Variants in VPS13B observed in about 807,000 individuals in gnomAD.
The protein encoded by VPS13B is intermembrane lipid transfer protein VPS13B.
A neutral mutation model predicts 426.4 loss-of-function variants in VPS13B; 285 were observed. The observed-to-expected ratio is 0.67, with a 90% CI of 0.61 to 0.74. VPS13B has a LOEUF of 0.74. Ranked by LOEUF, VPS13B falls within the 30% of genes least tolerant of loss-of-function variation. VPS13B has a pLI of 0.00. For missense variants in VPS13B, 4,537 were observed against 4,782.6 expected (o/e 0.95, Z 1.51); for synonymous variants, 1,676 against 1,676.4 (o/e 1.00, Z 0.01).
chr8:99,340,838 T>C, intron 19 of VPS13B: 1 of 320,612 alleles, frequency 3.1e-6, no homozygotes, highest in Non-Finnish European at 6.4e-6. Flanking sequence ...CCTGCAATGC[T>C]TCCGGCTTGG....
intron 33 of VPS13B, among the ~76,000 whole-genome samples, chr8:99,640,049 G>GA (rs1299280170): frequency 0.094 from 9,328 of 98,886 alleles, 621 homozygotes; most frequent in African/African-American, 0.13. Context: ...AGAAGAAGAA[G>GA]AGAAAAGAAA....
intron 19 of VPS13B, among the ~76,000 whole-genome samples, chr8:99,322,337 T>C (rs1810024340): frequency 6.6e-6 from 1 of 152,202 alleles, no homozygotes; most frequent in South Asian, 2.1e-4. Flanking sequence ...CTTTACTAGA[T>C]CACTAATATT....
chr8:99,117,648 G>A (rs1225296068), intron 7 of VPS13B, among the ~76,000 whole-genome samples: 1 of 152,104 alleles, frequency 6.6e-6, no homozygotes, highest in Non-Finnish European at 1.5e-5. Context: ...GCTACAGCAT[G>A]GATGAACCTT....
intron 14 of VPS13B, among the ~76,000 whole-genome samples, chr8:99,149,340 C>T (rs181229313): frequency 6.6e-6 from 1 of 152,172 alleles, no homozygotes; most frequent in Non-Finnish European, 1.5e-5. Flanking sequence ...CTTTTTGAGA[C>T]AGAGTCTCGC....
chr8:99,169,029 T>C (rs1219844566), intron 15 of VPS13B, among the ~76,000 whole-genome samples: 1 of 151,904 alleles, frequency 6.6e-6, no homozygotes, highest in African/African-American at 2.4e-5. Context: ...AATTGATAAT[T>C]ATTTTATGCT....
At chr8:99,300,387 A>G (rs1011043054) in intron 19 of VPS13B, among the ~76,000 whole-genome samples, 2 of 152,240 alleles carry the variant, frequency 1.3e-5, no homozygotes, top group African/African-American at 4.8e-5. Flanking sequence ...AAAAGAATAT[A>G]TATTTCTCAA....
At chr8:99,745,260 G>GTCC (rs1352826225) in intron 39 of VPS13B, among the ~76,000 whole-genome samples, 11 of 151,816 alleles carry the variant, frequency 7.2e-5, no homozygotes, top group African/African-American at 2.4e-5. Context: ...TTCTATATGT[G>GTCC]TCCTATTTTA....
chr8:99,336,666 G>GA (rs1390489514), intron 19 of VPS13B, among the ~76,000 whole-genome samples: 24 of 152,156 alleles, frequency 1.6e-4, no homozygotes, highest in African/African-American at 5.3e-4. Flanking sequence ...AAATTTACAA[G>GA]AAAAAATCAA....
At chr8:99,352,596 G>A (rs2067352067) in intron 19 of VPS13B, among the ~76,000 whole-genome samples, 1 of 152,108 alleles carries the variant, frequency 6.6e-6, no homozygotes, top group Non-Finnish European at 1.5e-5. Flanking sequence ...CACTGAGGTG[G>A]GCAGATCGCT....
intron 19 of VPS13B, among the ~76,000 whole-genome samples, chr8:99,325,019 A>G (rs1810168219): frequency 6.6e-6 from 1 of 152,190 alleles, no homozygotes; most frequent in Non-Finnish European, 1.5e-5. Flanking sequence ...CTGAACAGGT[A>G]GGCTAGCATT....
At chr8:99,030,962 T>C (rs1842483305) in intron 2 of VPS13B, among the ~76,000 whole-genome samples, 1 of 152,210 alleles carries the variant, frequency 6.6e-6, no homozygotes, top group Non-Finnish European at 1.5e-5. Context: ...GTGGTTTGAC[T>C]CTTTACAATA....
chr8:99,396,810 T>G (rs1223774257), intron 21 of VPS13B, among the ~76,000 whole-genome samples: 1 of 152,190 alleles, frequency 6.6e-6, no homozygotes, highest in East Asian at 1.9e-4. Context: ...TGATGCACAG[T>G]TAAGTTCCTG....
intron 33 of VPS13B, among the ~76,000 whole-genome samples, chr8:99,635,183 T>G (rs1405485637): frequency 6.6e-6 from 1 of 151,988 alleles, no homozygotes; most frequent in Non-Finnish European, 1.5e-5. Context: ...TAAAATACTG[T>G]AACTTTTTTT....
chr8:99,099,771 A>C (rs1234407244), intron 4 of VPS13B, among the ~76,000 whole-genome samples: 1 of 152,188 alleles, frequency 6.6e-6, no homozygotes, highest in African/African-American at 2.4e-5. Flanking sequence ...GAACACGAGT[A>C]AAGTTAGTGA....
At chr8:99,111,366 A>C in intron 6 of VPS13B, 87 bp downstream of exon 6, 1 of 1,140,998 alleles carries the variant, frequency 8.8e-7, no homozygotes, top group Non-Finnish European at 1.2e-6. Context: ...TTAACAAATG[A>C]AGAAATTAAC....
chr8:99,113,712 C>T (rs1277986196), intron 6 of VPS13B, among the ~76,000 whole-genome samples: 2 of 151,932 alleles, frequency 1.3e-5, no homozygotes, highest in Non-Finnish European at 2.9e-5. Context: ...TTACAGGCGC[C>T]GGCCACCAGG....
At chr8:99,182,577 G>T (rs1317865599) in intron 16 of VPS13B, among the ~76,000 whole-genome samples, 1 of 152,128 alleles carries the variant, frequency 6.6e-6, no homozygotes, top group East Asian at 1.9e-4. Flanking sequence ...AGTGGAATGA[G>T]TTAGCAACTA....
chr8:99,586,503 A>G (rs1419053359), intron 33 of VPS13B, among the ~76,000 whole-genome samples: 1 of 152,128 alleles, frequency 6.6e-6, no homozygotes, highest in Non-Finnish European at 1.5e-5. Flanking sequence ...GTCCTTCTTA[A>G]TGAGTCTTAC....
intron 33 of VPS13B, among the ~76,000 whole-genome samples, chr8:99,582,733 G>A (rs1017544676): frequency 5.3e-4 from 80 of 151,964 alleles, no homozygotes; most frequent in Admixed American, 6.6e-4. Context: ...TCGGCTCACT[G>A]CAAGCTCCGC....
Sources: allele counts gnomAD v4.1 joint callset (sites outside exome capture counted in the v4.1 genomes callset), GRCh38; gene constraint gnomAD v4.1.1; transcripts MANE v1.5; gene names NCBI Gene and HGNC (gene_info 2026-07-23, HGNC 2026-07-21).